CFAP20DC: variants seen among roughly 807,000 people sequenced by gnomAD.
CFAP20DC encodes the protein protein CFAP20DC.
In CFAP20DC, 84 loss-of-function variants were observed where a neutral mutation model predicts 101.7. That is an observed-to-expected ratio of 0.83 (90% CI 0.69 to 0.99). The LOEUF is 0.99. Among genes scored for constraint, CFAP20DC ranks in the 50% least tolerant of loss-of-function variants. The pLI is 0.00. For missense variants in CFAP20DC, 1,007 were observed against 970.3 expected (o/e 1.04, Z -0.50); for synonymous variants, 359 against 351.2 (o/e 1.02, Z -0.25).
chr3:58,862,799 T>A (rs1428732311), intron 12 of CFAP20DC: 1 of 984,108 alleles, frequency 1.0e-6, no homozygotes, highest in Non-Finnish European at 1.2e-6. Context: ...TTAGAATAAA[T>A]TTTTCCAGAA....
At chr3:59,005,796 G>A (rs1405016055) in intron 4 of CFAP20DC, among the ~76,000 whole-genome samples, 5 of 151,844 alleles carry the variant, frequency 3.3e-5, no homozygotes, top group Non-Finnish European at 4.4e-5. Context: ...CATTATTTGC[G>A]AACTAATCAA....
At chr3:58,915,351 G>T (rs1323333492) in intron 5 of CFAP20DC, among the ~76,000 whole-genome samples, 1 of 152,114 alleles carries the variant, frequency 6.6e-6, no homozygotes, top group Non-Finnish European at 1.5e-5. Context: ...ATAGGGGATG[G>T]AAGTGTTGGG....
rs2073137623 is a variant in CFAP20DC, at chr3:58,795,061, C to T, written c.2237+11334G>A. On this transcript the variant is annotated intron_variant, in intron 15 of 16. Coordinates refer to ENST00000482387, the MANE Select transcript of CFAP20DC (RefSeq NM_001394063.1). This position sits in a 1 kb window ranked among gnomAD's most constrained non-coding sequence, Gnocchi z 4.2. ...TTAATGTTATTCTCCTAAACCTCAACTTGCATTCCCTCCCCACCTCCAGAC... is the reference window on the plus strand; with the variant it reads ...TTAATGTTATTCTCCTAAACCTCAATTTGCATTCCCTCCCCACCTCCAGAC... 6.6e-6 allele frequency among the ~76,000 whole-genome samples: 1 copy of T among 152,064 alleles called. No homozygotes were observed. Among genetic ancestry groups the T allele is most frequent in the Admixed American group, 6.5e-5 (1 of 15,282 alleles).
chr3:58,840,021 C>CA (rs2076991672), intron 13 of CFAP20DC, among the ~76,000 whole-genome samples: 1 of 152,190 alleles, frequency 6.6e-6, no homozygotes, highest in African/African-American at 2.4e-5. Flanking sequence ...GTAGCACAGC[C>CA]AGGGTTCCGT....
chr3:58,766,062 G>A (rs1382240702), intron 15 of CFAP20DC, among the ~76,000 whole-genome samples: 1 of 152,142 alleles, frequency 6.6e-6, no homozygotes, highest in Non-Finnish European at 1.5e-5. Flanking sequence ...GGATATCATG[G>A]AAATGGTATT....
Position 58,787,001 on chromosome 3 carries a change from G to A in CFAP20DC, c.2237+19394C>T, listed in dbSNP as rs184085845. Among the ~76,000 whole-genome samples the A allele has an allele frequency of 2.8e-3, 424 of 151,860 alleles. 2 individuals carry two copies. The highest frequency in any genetic ancestry group is 9.7e-3 in the African/African-American group (401 of 41,464). On this transcript the variant is annotated intron_variant, in intron 15 of 16. Coordinates refer to ENST00000482387, the MANE Select transcript of CFAP20DC (RefSeq NM_001394063.1). ...TCTGTCGTTTTAGACATCCACTGGA[G>A]TCTTGGAATGTACCCCCTGTAGATA... is the stretch of plus-strand genomic sequence containing the variant.
intron 15 of CFAP20DC, among the ~76,000 whole-genome samples, chr3:58,755,783 GCTCT>G (rs950981165): frequency 1.6e-4 from 24 of 152,178 alleles, no homozygotes; most frequent in African/African-American, 5.5e-4. Flanking sequence ...TATCATATTT[GCTCT>G]CTATCTCTTA....
At chr3:58,947,991 G>C (rs987137044) in intron 4 of CFAP20DC, among the ~76,000 whole-genome samples, 1 of 152,150 alleles carries the variant, frequency 6.6e-6, no homozygotes, top group Non-Finnish European at 1.5e-5. Flanking sequence ...GCTGCCTTTA[G>C]GGGCCTTAAC....
rs528291799 is a variant in CFAP20DC at position 58,993,734 on chromosome 3, C to T, written c.278+45823G>A. Among the ~76,000 whole-genome samples the T allele has an allele frequency of 5.3e-5, 8 of 152,272 alleles. No individual in the cohort carries two copies. The South Asian group carries it at 1.7e-3, about 32-fold the overall frequency. On this transcript the variant is annotated intron_variant, in intron 4 of 16. Transcript: ENST00000482387. ...TGCCGAGGATAATGGCTTCCAGCTACATCTGTGTCCCTGGAAAGGATATGA... is the reference window on the plus strand; with the variant it reads ...TGCCGAGGATAATGGCTTCCAGCTATATCTGTGTCCCTGGAAAGGATATGA...
rs1424203938 is a variant in CFAP20DC, at chr3:58,863,230, C to T, written c.1593+328G>A. 2 of 1,324,950 alleles carry T rather than the reference C, an allele frequency of 1.5e-6. No homozygotes were observed. Among genetic ancestry groups the T allele is most frequent in the African/African-American group, 3.0e-5 (2 of 67,000 alleles). The allele number at this position is 1,324,950 out of a possible 1,614,324, so 82.1% of individuals were successfully genotyped here. A position where few individuals can be genotyped will look rare whatever the true frequency, so the allele number is the denominator to read the frequency against. ...CCAGAGATCTAGAACAGTATATTCT[C>T]AGTGTTTTACTGGTCTTGCTATCAT... On this transcript the variant is annotated intron_variant, in intron 12 of 16. Transcript: ENST00000482387. This position sits in a 1 kb window ranked among gnomAD's most constrained non-coding sequence, Gnocchi z 5.9.
intron 4 of CFAP20DC, among the ~76,000 whole-genome samples, chr3:58,986,590 G>A (rs1272359487): frequency 1.3e-5 from 2 of 152,146 alleles, no homozygotes; most frequent in Non-Finnish European, 2.9e-5. Context: ...GTTGGGTTGA[G>A]TAAAAAGTCG....
rs1179463676 is a variant in CFAP20DC at position 59,002,743 on chromosome 3, A to C, written c.278+36814T>G. Among the ~76,000 whole-genome samples the C allele has an allele frequency of 6.6e-6, 1 of 152,208 alleles. No homozygotes were observed. Among genetic ancestry groups the C allele is most frequent in the Non-Finnish European group, 1.5e-5 (1 of 68,030 alleles). On this transcript the variant is annotated intron_variant, in intron 4 of 16. Transcript: ENST00000482387. This position sits in a 1 kb window ranked among gnomAD's most constrained non-coding sequence, Gnocchi z 4.5. ...CTTCAACTTTCTTCCTCACTCAAAG[A>C]GATGTTATTTTAAGTAAATATAAAA...
chr3:58,874,615 T>C lies in CFAP20DC; in HGVS notation c.716-4306A>G, dbSNP rs1007115228. Among the ~76,000 whole-genome samples the C allele has an allele frequency of 6.6e-6, 1 of 152,200 alleles. No homozygotes were observed. Among genetic ancestry groups the C allele is most frequent in the African/African-American group, 2.4e-5 (1 of 41,456 alleles). ...CTAGAGTGTTTGTGTATGCTGTTCA[T>C]GGCAAGAAGGCTTTTCCTTTCCCTC... is the stretch of plus-strand genomic sequence containing the variant. On this transcript the variant is annotated intron_variant, in intron 7 of 16. Transcript: ENST00000482387. The surrounding 1 kb of genome is among the most constrained non-coding windows in gnomAD (Gnocchi z 5.1).
chr3:58,907,379 T>G (rs924293076), intron 6 of CFAP20DC, among the ~76,000 whole-genome samples: 2 of 152,200 alleles, frequency 1.3e-5, no homozygotes, highest in Non-Finnish European at 2.9e-5. Flanking sequence ...CATTGGGATT[T>G]AATACACTAT....
At chr3:58,808,218 A>G (rs13065807) in intron 14 of CFAP20DC, among the ~76,000 whole-genome samples, 1 of 152,222 alleles carries the variant, frequency 6.6e-6, no homozygotes, top group Non-Finnish European at 1.5e-5. Flanking sequence ...AGAGAACGCC[A>G]CAAAGACACT....
intron 14 of CFAP20DC, among the ~76,000 whole-genome samples, chr3:58,822,139 C>G (rs1385406441): frequency 1.2e-5 from 1 of 81,398 alleles, no homozygotes; most frequent in African/African-American, 5.4e-5. Flanking sequence ...ACTCTGGGGA[C>G]TGTTGTGGGG....
chr3:58,777,302 T>C (rs1476202470), intron 15 of CFAP20DC, among the ~76,000 whole-genome samples: 3 of 152,212 alleles, frequency 2.0e-5, no homozygotes, highest in Non-Finnish European at 1.5e-5. Flanking sequence ...ACATCTTACA[T>C]GTACTGATTG....
chr3:58,944,449 T>C (rs573954523), intron 4 of CFAP20DC, among the ~76,000 whole-genome samples: 1 of 152,294 alleles, frequency 6.6e-6, no homozygotes, highest in East Asian at 1.9e-4. Flanking sequence ...CAGAGACAAG[T>C]GTTACCATTC....
At chr3:58,823,109 GT>G (rs2075803380) in intron 14 of CFAP20DC, among the ~76,000 whole-genome samples, 1 of 151,992 alleles carries the variant, frequency 6.6e-6, no homozygotes, top group Admixed American at 6.6e-5. Context: ...TTCACTGTTT[GT>G]TCAGTTCTTC....
Sources: gnomAD v4.1 joint callset for allele counts (sites outside exome capture counted in the v4.1 genomes callset) on GRCh38, gnomAD v4.1.1 for gene constraint, Gnocchi (gnomAD v3.1) non-coding constraint, MANE v1.5 for transcripts, NCBI Gene and HGNC (gene_info 2026-07-23, HGNC 2026-07-21) for gene names.